TTC29: variants seen among roughly 807,000 people sequenced by gnomAD.
TTC29 encodes tetratricopeptide repeat protein 29.
Under a neutral mutation model 58.1 loss-of-function variants are expected in TTC29, and 49 were observed. That is an observed-to-expected ratio of 0.84 (90% CI 0.67 to 1.07). The LOEUF (loss-of-function observed/expected upper bound fraction) is 1.07, where lower values mean the gene tolerates loss of function less well. Among genes scored for constraint, TTC29 ranks in the 50% least tolerant of loss-of-function variants. TTC29 has a pLI of 0.00. For synonymous variants in TTC29, 209 were observed against 196.8 expected (o/e 1.06, Z -0.52); for missense variants, 582 against 555.6 (o/e 1.05, Z -0.48).
At chr4:146,735,180 C>G (rs758213643) in intron 11 of TTC29, among the ~76,000 whole-genome samples, 6 of 152,140 alleles carry the variant, frequency 3.9e-5, no homozygotes, top group East Asian at 3.9e-4. Flanking sequence ...AAGCCACCCC[C>G]CTAAAGGCAA....
At chr4:146,822,064 C>T (rs1751879517) in intron 9 of TTC29, among the ~76,000 whole-genome samples, 2 of 147,338 alleles carry the variant, frequency 1.4e-5, no homozygotes, top group Non-Finnish European at 3.0e-5. Flanking sequence ...ACCGAACCCA[C>T]CTCTCAACTG....
chr4:146,738,643 A>G (rs919132720), intron 11 of TTC29, among the ~76,000 whole-genome samples: 1 of 151,998 alleles, frequency 6.6e-6, no homozygotes, highest in African/African-American at 2.4e-5. Flanking sequence ...ATAATGTTGG[A>G]GTGTTAGGTC....
intron 11 of TTC29, among the ~76,000 whole-genome samples, chr4:146,779,935 C>G (rs577086522): frequency 5.3e-5 from 8 of 152,196 alleles, no homozygotes; most frequent in Middle Eastern, 3.4e-3. Context: ...AAATTCAACA[C>G]TACATTCAAA....
intron 11 of TTC29, among the ~76,000 whole-genome samples, chr4:146,783,339 CA>C (rs1431352368): frequency 1.3e-4 from 19 of 145,272 alleles, no homozygotes; most frequent in African/African-American, 5.1e-4. Context: ...CCCTCTTCTT[CA>C]TTTTTTTTTT....
intron 11 of TTC29, among the ~76,000 whole-genome samples, chr4:146,710,101 G>A (rs1742371701): frequency 6.6e-6 from 1 of 152,156 alleles, no homozygotes; most frequent in Non-Finnish European, 1.5e-5. Flanking sequence ...GTAATATACA[G>A]TCAAGTGTCA....
chr4:146,807,555 G>T (rs1171187243), intron 10 of TTC29, among the ~76,000 whole-genome samples: 1 of 152,054 alleles, frequency 6.6e-6, no homozygotes, highest in Non-Finnish European at 1.5e-5. Flanking sequence ...TGATAAAGGG[G>T]ATATCACTAC....
intron 11 of TTC29, among the ~76,000 whole-genome samples, chr4:146,755,124 G>A (rs1040915680): frequency 6.6e-6 from 1 of 151,850 alleles, no homozygotes; most frequent in South Asian, 2.1e-4. Context: ...ATTTTTAAAA[G>A]TCCCATTAAT....
intron 11 of TTC29, among the ~76,000 whole-genome samples, chr4:146,744,332 G>A (rs2150039037): frequency 6.6e-6 from 1 of 151,934 alleles, no homozygotes; most frequent in African/African-American, 2.4e-5. Context: ...AGGAGTTCCA[G>A]ATCAGCCTGG....
chr4:146,832,640 T>TG, intron 9 of TTC29, among the ~76,000 whole-genome samples: 1 of 150,488 alleles, frequency 6.6e-6, no homozygotes, highest in South Asian at 2.1e-4. Flanking sequence ...GCCAACTAAT[T>TG]TTGTGTGTGT....
chr4:146,933,855 G>C (rs1357183135), intron 4 of TTC29: 2 of 152,136 alleles, frequency 1.3e-5, no homozygotes, highest in East Asian at 1.9e-4. Context: ...CATCACTTGG[G>C]TTTGGCCATT....
chr4:146,804,638 G>A (rs915207152), intron 10 of TTC29, among the ~76,000 whole-genome samples: 8 of 152,128 alleles, frequency 5.3e-5, no homozygotes, highest in Non-Finnish European at 1.2e-4. Flanking sequence ...ACTGGGTGGA[G>A]CACACCACAG....
chr4:146,708,959 CT>C (rs1742282313), intron 11 of TTC29, among the ~76,000 whole-genome samples: 2 of 152,030 alleles, frequency 1.3e-5, no homozygotes, highest in Admixed American at 1.3e-4. Context: ...CCTCCTTGTT[CT>C]TTCAGGACCC....
intron 11 of TTC29, among the ~76,000 whole-genome samples, chr4:146,731,640 G>A (rs1282523453): frequency 3.9e-5 from 6 of 152,158 alleles, no homozygotes; most frequent in African/African-American, 1.4e-4. Context: ...TCAGGAAAAC[G>A]TATGTTTTTC....
At chr4:146,775,132 A>G (rs1747996273) in intron 11 of TTC29, among the ~76,000 whole-genome samples, 1 of 152,100 alleles carries the variant, frequency 6.6e-6, no homozygotes, top group Non-Finnish European at 1.5e-5. Flanking sequence ...CTTTGAGCCT[A>G]TAGGTGTCAT....
At chr4:146,907,285 A>G (rs1019599164) in intron 5 of TTC29, among the ~76,000 whole-genome samples, 1 of 152,212 alleles carries the variant, frequency 6.6e-6, no homozygotes, top group African/African-American at 2.4e-5. Context: ...CTTTATGACA[A>G]GCTGGCTCAC....
intron 11 of TTC29, among the ~76,000 whole-genome samples, chr4:146,730,031 C>T (rs1468256603): frequency 6.6e-6 from 1 of 152,078 alleles, no homozygotes; most frequent in Admixed American, 6.6e-5. Context: ...TTATTCTTTA[C>T]ATACTAACTT....
intron 4 of TTC29, among the ~76,000 whole-genome samples, chr4:146,930,745 C>A (rs562504568): frequency 1.3e-5 from 2 of 152,262 alleles, no homozygotes; most frequent in South Asian, 4.1e-4. Flanking sequence ...AACCATCTTG[C>A]CCCATACATT....
Position 146,828,173 on chromosome 4 carries a change from T to G in TTC29, c.977+5633A>C, listed in dbSNP as rs1292358360. 2.0e-5 allele frequency among the ~76,000 whole-genome samples: 3 copies of G among 152,034 alleles called. No individual in the cohort carries two copies. The South Asian group carries it at 6.2e-4, about 31-fold the overall frequency. On this transcript the variant is annotated intron_variant, in intron 9 of 12. Coordinates refer to ENST00000325106, the MANE Select transcript of TTC29 (RefSeq NM_031956.4). ...GGCATAGGTCAATTCTCCAGAAAAATCATGAATTATTGGAGGAAATTTTCA... is the reference window on the plus strand; with the variant it reads ...GGCATAGGTCAATTCTCCAGAAAAAGCATGAATTATTGGAGGAAATTTTCA...
Position 146,899,954 on chromosome 4 carries a change from C to T in TTC29, c.586+3590G>A, listed in dbSNP as rs114626734. On this transcript the variant is annotated intron_variant, in intron 6 of 12. Transcript: ENST00000325106. ...CTGCCACCTAGCTGTTGCTGCAAGG[C>T]CTCCATTCGCTTGTCTGGACCAATC... Among the ~76,000 whole-genome samples, 651 of 152,304 alleles carry T rather than the reference C, an allele frequency of 4.3e-3. 6 individuals carry two copies. The highest frequency in any genetic ancestry group is 0.014 in the African/African-American group (590 of 41,566).
Sources: gnomAD v4.1 joint callset for allele counts (sites outside exome capture counted in the v4.1 genomes callset) on GRCh38, gnomAD v4.1.1 for gene constraint, MANE v1.5 for transcripts, NCBI Gene and HGNC (gene_info 2026-07-23, HGNC 2026-07-21) for gene names.